The following ADRA1B variants were observed in gnomAD, a reference collection of about 807,000 sequenced individuals.
ADRA1B encodes adrenoceptor alpha 1B.
In ADRA1B, 17 loss-of-function variants were observed where a neutral mutation model predicts 17.9. The observed-to-expected ratio is 0.95, with a 90% CI of 0.65 to 1.42. ADRA1B has a LOEUF of 1.42. Ranked by LOEUF, ADRA1B falls within the 40% of genes most tolerant of loss-of-function variation. ADRA1B has a pLI of 0.00. For missense variants in ADRA1B, 681 were observed against 722.1 expected (o/e 0.94, Z 0.65); for synonymous variants, 366 against 327.6 (o/e 1.12, Z -1.27).
At chr5:159,930,592 C>T (rs1194998176) in intron 1 of ADRA1B, among the ~76,000 whole-genome samples, 1 of 151,746 alleles carries the variant, frequency 6.6e-6, no homozygotes, top group Non-Finnish European at 1.5e-5. Context: ...AACAAACAAA[C>T]AAACAAAAAA....
intron 1 of ADRA1B, among the ~76,000 whole-genome samples, chr5:159,877,860 A>G (rs1031985884): frequency 2.6e-5 from 4 of 152,168 alleles, no homozygotes; most frequent in African/African-American, 9.7e-5. Context: ...AATAACTACT[A>G]CTTTATTCTC....
intron 1 of ADRA1B, among the ~76,000 whole-genome samples, chr5:159,961,092 A>AAGG (rs1285371061): frequency 1.3e-5 from 2 of 152,238 alleles, no homozygotes; most frequent in Non-Finnish European, 2.9e-5. Context: ...GTTAAGGGAG[A>AAGG]AATTCCCTAG....
At chr5:159,886,438 A>T (rs370230616) in intron 1 of ADRA1B, among the ~76,000 whole-genome samples, 7 of 152,208 alleles carry the variant, frequency 4.6e-5, no homozygotes, top group African/African-American at 1.7e-4. Context: ...AAGGAAATTA[A>T]GCTGTCTGCT....
chr5:159,971,865 C>T lies in ADRA1B; in HGVS notation c.950-14C>T. On this transcript the variant is annotated splice_polypyrimidine_tract_variant and intron_variant, in intron 1 of 1. Coordinates refer to ENST00000306675, the MANE Select transcript of ADRA1B (RefSeq NM_000679.4). ...CTGTCTTTCTGCCCGTGCCCACCCCCCTCCCCACTGCAGGCTCCTTGTTCT... is the reference window on the plus strand; with the variant it reads ...CTGTCTTTCTGCCCGTGCCCACCCCTCTCCCCACTGCAGGCTCCTTGTTCT... The T allele has an allele frequency of 7.1e-6, 3 of 420,830 alleles. No homozygotes were observed. The highest frequency in any genetic ancestry group is 7.5e-6 in the Non-Finnish European group (2 of 266,056). 26.1% of individuals were successfully genotyped at this position (420,830 alleles called of 1,614,324 possible). A position where few individuals can be genotyped will look rare whatever the true frequency, so the allele number is the denominator to read the frequency against.
chr5:159,971,780 G>A, intron 1 of ADRA1B, 99 bp from the exon 2 acceptor site: 1 of 1,238,090 alleles, frequency 8.1e-7, no homozygotes, highest in Non-Finnish European at 1.0e-6. Context: ...CAGGAACGCT[G>A]CAGGTTGACA....
At chr5:159,888,074 G>A (rs1753944710) in intron 1 of ADRA1B, 1 of 152,148 alleles carries the variant, frequency 6.6e-6, no homozygotes, top group African/African-American at 2.4e-5. Flanking sequence ...GAGAAGTCAA[G>A]ACTTGCCCAA....
At chr5:159,894,225 G>A (rs1236916023) in intron 1 of ADRA1B, among the ~76,000 whole-genome samples, 4 of 152,216 alleles carry the variant, frequency 2.6e-5, no homozygotes, top group Non-Finnish European at 5.9e-5. Flanking sequence ...TGAGGCTATG[G>A]CCTTAAATAA....
rs745969860 is a variant in ADRA1B at position 159,972,051 on chromosome 5, ACGC to A, written c.1134_1136del (p.Arg380del). On this transcript the variant is annotated inframe_deletion, in exon 2 of 2. Coordinates refer to ENST00000306675, the MANE Select transcript of ADRA1B (RefSeq NM_000679.4). ...AGTGCCGCGGCCGCGGCCGCCGCCG[ACGC>A]CGCCGCCGCCGTCGCCTGGGCGGCT... The A allele has an allele frequency of 1.3e-5, 18 of 1,348,864 alleles. No individual in the cohort carries two copies. The highest frequency in any genetic ancestry group is 6.3e-5 in the South Asian group (3 of 47,364). The allele number at this position is 1,348,864 out of a possible 1,614,324, so 83.6% of individuals were successfully genotyped here.
chr5:159,910,600 T>C (rs1476013298), intron 1 of ADRA1B, among the ~76,000 whole-genome samples: 1 of 152,228 alleles, frequency 6.6e-6, no homozygotes, highest in Non-Finnish European at 1.5e-5. Context: ...ACGGTCTCTG[T>C]TGCAGCTACT....
At chr5:159,896,472 G>T (rs1754041784) in intron 1 of ADRA1B, among the ~76,000 whole-genome samples, 1 of 152,302 alleles carries the variant, frequency 6.6e-6, no homozygotes, top group South Asian at 2.1e-4. Flanking sequence ...AATTTTAAGT[G>T]ATTAAATGTG....
chr5:159,887,526 A>G (rs1753938398), intron 1 of ADRA1B, among the ~76,000 whole-genome samples: 1 of 152,170 alleles, frequency 6.6e-6, no homozygotes, highest in Admixed American at 6.5e-5. Flanking sequence ...ACCAAAATAT[A>G]CATGCCTTGT....
At chr5:159,942,478 A>G (rs980894577) in intron 1 of ADRA1B, among the ~76,000 whole-genome samples, 3 of 152,226 alleles carry the variant, frequency 2.0e-5, no homozygotes, top group Admixed American at 1.3e-4. Flanking sequence ...GTGATACAGC[A>G]GTTAGAAGGA....
At chr5:159,984,196 T>C in the ADRA1B span, among the ~76,000 whole-genome samples, 1 of 152,036 alleles carries the variant, frequency 6.6e-6, no homozygotes, top group Non-Finnish European at 1.5e-5. Context: ...ACTCCCTGGT[T>C]ACCTCCTCCA....
intron 1 of ADRA1B, among the ~76,000 whole-genome samples, chr5:159,875,944 T>G (rs1753797368): frequency 6.6e-6 from 1 of 152,100 alleles, no homozygotes; most frequent in Admixed American, 6.5e-5. Context: ...ATCCCAACAC[T>G]TTGGGAGGCT....
rs1754323382 is a variant in ADRA1B at position 159,916,856 on chromosome 5, AG to A, written c.-49del. The A allele has an allele frequency of 7.2e-6, 11 of 1,527,850 alleles. No homozygotes were observed. Among genetic ancestry groups the A allele is most frequent in the Non-Finnish European group, 9.8e-6 (11 of 1,127,390 alleles). 94.6% of individuals were successfully genotyped at this position (1,527,850 alleles called of 1,614,324 possible). A position where few individuals can be genotyped will look rare whatever the true frequency, so the allele number is the denominator to read the frequency against. Reference sequence around the variant, plus strand: ...AGGGCAGCTGAGGAGCCTTCGCCGCAGCCCTTCCGAGCCCAATCATCCCCCT... The same window carrying A: ...AGGGCAGCTGAGGAGCCTTCGCCGCACCCTTCCGAGCCCAATCATCCCCCT... On this transcript the variant is annotated 5_prime_UTR_variant, in exon 1 of 2. Coordinates refer to ENST00000306675, the MANE Select transcript of ADRA1B (RefSeq NM_000679.4).
the ADRA1B span, among the ~76,000 whole-genome samples, chr5:159,984,637 C>T: frequency 6.6e-6 from 1 of 152,032 alleles, no homozygotes; most frequent in Non-Finnish European, 1.5e-5. Flanking sequence ...GTAGCTCACG[C>T]CTGTAATCCT....
chr5:159,903,157 C>T (rs1242663208), intron 1 of ADRA1B, among the ~76,000 whole-genome samples: 1 of 152,144 alleles, frequency 6.6e-6, no homozygotes, highest in East Asian at 1.9e-4. Context: ...GCATCCTGTC[C>T]CTCTAGAGGA....
chr5:159,877,757 A>C (rs974481281), intron 1 of ADRA1B, among the ~76,000 whole-genome samples: 1 of 152,220 alleles, frequency 6.6e-6, no homozygotes, highest in Admixed American at 6.5e-5. Flanking sequence ...AAAGCTCAGA[A>C]AGAAGGTGCA....
chr5:159,915,574 C>G (rs944838443), upstream of ADRA1B, among the ~76,000 whole-genome samples: 2 of 152,034 alleles, frequency 1.3e-5, no homozygotes, highest in East Asian at 3.9e-4. Context: ...AACAAATAAC[C>G]AAGATCCTCT....
Sources: gnomAD v4.1 joint callset for allele counts (sites outside exome capture counted in the v4.1 genomes callset) on GRCh38, gnomAD v4.1.1 for gene constraint, MANE v1.5 for transcripts, NCBI Gene and HGNC (gene_info 2026-07-23, HGNC 2026-07-21) for gene names.